Variants in METAP2 observed in about 807,000 individuals in gnomAD.
METAP2 encodes the protein methionyl aminopeptidase 2, also known as methionine aminopeptidase 2.
In METAP2, 25 loss-of-function variants were observed where a neutral mutation model predicts 59.4. That is an observed-to-expected ratio of 0.42 (90% confidence interval 0.31 to 0.59). METAP2 has a LOEUF of 0.59. Ranked by LOEUF, METAP2 falls within the 20% of genes least tolerant of loss-of-function variation. The probability of loss-of-function intolerance (pLI) is 0.16; values close to 1 mark genes in which losing one functional copy is unlikely to be tolerated. For synonymous variants in METAP2, 214 were observed against 194.1 expected (o/e 1.10, Z -0.85); for missense variants, 366 against 581.2 (o/e 0.63, Z 3.81).
In METAP2 at chr12:95,513,788, G is replaced by A; in HGVS notation, c.1321G>A (p.Val441Ile). The A allele has an allele frequency of 1.2e-6, 2 of 1,614,206 alleles. No homozygotes were observed. The highest frequency in any genetic ancestry group is 1.7e-6 in the Non-Finnish European group (2 of 1,180,038). ...GAAGAATCTGTGTGACTTGGGCATTGTAGATCCATATCCACCATTATGTGA... is the reference window on the plus strand; with the variant it reads ...GAAGAATCTGTGTGACTTGGGCATTATAGATCCATATCCACCATTATGTGA... ...ALKNLCDLGI[V>I]DPYPPLCDIK... The change falls in exon 11 of 11, where the codon GTA becomes ATA. Residue 441 changes from valine (V) to isoleucine (I), a missense_variant. By Grantham distance (29) the Val-to-Ile change is conservative. Around this residue, in one of 4 missense-constraint regions of METAP2, gnomAD observed 82 missense variants for 156.2 expected, o/e 0.52. Coordinates refer to ENST00000323666, the MANE Select transcript of METAP2 (RefSeq NM_006838.4).
intron 1 of METAP2, among the ~76,000 whole-genome samples, chr12:95,474,731 T>C (rs2076105148): frequency 1.3e-5 from 2 of 152,174 alleles, no homozygotes; most frequent in Non-Finnish European, 2.9e-5. Flanking sequence ...GCGTCTTTGC[T>C]GGTTTGCTGG....
intron 2 of METAP2, among the ~76,000 whole-genome samples, chr12:95,480,459 G>C (rs2076150537): frequency 6.6e-6 from 1 of 152,144 alleles, no homozygotes; most frequent in Non-Finnish European, 1.5e-5. Context: ...TTCCAAAGTG[G>C]CTATGCTGTT....
chr12:95,485,901 C>A lies in METAP2; in HGVS notation c.348C>A (p.Pro116=), dbSNP rs746156472. The A allele has an allele frequency of 1.0e-5, 16 of 1,574,900 alleles. No individual in the cohort carries two copies. The East Asian group carries it at 3.5e-4, about 35-fold the overall frequency. The change falls in exon 4 of 11, where the codon CCC becomes CCA. Residue 116 remains proline, a synonymous_variant. Coordinates refer to ENST00000323666, the MANE Select transcript of METAP2 (RefSeq NM_006838.4). The part of the protein sequence containing the change: ...KRGPKVQTDP[P]SVPICDLYPN... The stretch of plus-strand genomic sequence containing the variant: ...CAGCAAAAGTTCAAACAGACCCTCC[C>A]TCAGTTCCAATATGTGACCTGTATC...
chr12:95,491,995 A>T (rs968609801), intron 4 of METAP2, among the ~76,000 whole-genome samples: 1 of 152,098 alleles, frequency 6.6e-6, no homozygotes, highest in Non-Finnish European at 1.5e-5. Context: ...TTTTGTAGAG[A>T]TGGAGTCTTG....
intron 7 of METAP2, among the ~76,000 whole-genome samples, chr12:95,496,589 A>G (rs758958188): frequency 6.6e-5 from 10 of 152,088 alleles, no homozygotes; most frequent in Non-Finnish European, 1.0e-4. Flanking sequence ...TCTTAGTAAT[A>G]TACATAAGGG....
At chr12:95,497,270 C>G (rs1011685381) in intron 7 of METAP2, among the ~76,000 whole-genome samples, 3 of 152,186 alleles carry the variant, frequency 2.0e-5, no homozygotes, top group African/African-American at 7.2e-5. Context: ...TCTTCTCCCC[C>G]TACCCTGGCA....
chr12:95,511,438 C>CTGAAGTGCAG (rs1414894614), intron 8 of METAP2, among the ~76,000 whole-genome samples: 1 of 125,216 alleles, frequency 8.0e-6, no homozygotes, highest in African/African-American at 3.2e-5. Context: ...TTCGCCCAGG[C>CTGAAGTGCAG]TGAAGTGCAG....
intron 5 of METAP2, 50 bp from the exon 6 acceptor site, chr12:95,494,907 A>G (rs749950395): frequency 6.7e-7 from 1 of 1,490,232 alleles, no homozygotes; most frequent in East Asian, 2.3e-5. Flanking sequence ...ATTAATATAT[A>G]AAAGTAAGAA....
chr12:95,509,303 G>GGCTC (rs1415218825), intron 8 of METAP2, among the ~76,000 whole-genome samples: 1 of 152,190 alleles, frequency 6.6e-6, no homozygotes, highest in Non-Finnish European at 1.5e-5. Context: ...AACAAACAGA[G>GGCTC]GCTCTCTAAA....
Position 95,483,225 on chromosome 12 carries a change from C to T in METAP2, c.270C>T (p.Gly90=), listed in dbSNP as rs200687006. 64 of 1,611,466 alleles carry T rather than the reference C, an allele frequency of 4.0e-5. No individual in the cohort carries two copies. The highest frequency in any genetic ancestry group is 5.1e-5 in the Non-Finnish European group (60 of 1,178,076). ...ERDEDDEDGD[G]DGDGATGKKK... ...AATGTCTTTTCTTAGATGGAGATGG[C>T]GATGGAGATGGAGCAACTGGAAAGA... The change falls in exon 3 of 11, where the codon GGC becomes GGT. Residue 90 remains glycine (G), a synonymous_variant. Coordinates refer to ENST00000323666, the MANE Select transcript of METAP2 (RefSeq NM_006838.4).
chr12:95,476,465 T>C (rs1391111357), intron 2 of METAP2, among the ~76,000 whole-genome samples: 1 of 148,262 alleles, frequency 6.7e-6, no homozygotes, highest in Non-Finnish European at 1.5e-5. Context: ...TGAGCTGAGA[T>C]TGCACCACTG....
rs145976028 is a variant in METAP2, at chr12:95,506,099, GA to G, written c.964+1945del. ...GCGACAGAGTGAGACTTCGTCTGGG[GA>G]AAAAAATAAAAAAGAGTCTTCCTCT... On this transcript the variant is annotated intron_variant, in intron 8 of 10. Transcript: ENST00000323666. Among the ~76,000 whole-genome samples, 1,210 of 151,140 alleles carry G rather than the reference GA, an allele frequency of 8.0e-3. 10 individuals carry two copies. The highest frequency in any genetic ancestry group is 0.024 in the Middle Eastern group (7 of 292).
intron 8 of METAP2, among the ~76,000 whole-genome samples, chr12:95,511,389 G>GTTTTTTTTTTTT (rs11301070): frequency 1.6e-5 from 1 of 61,130 alleles, no homozygotes; most frequent in Non-Finnish European, 2.8e-5. Flanking sequence ...TTCTAGCACC[G>GTTTTTTTTTTTT]TTTTTTTTTT....
Position 95,474,177 on chromosome 12 carries a change from A to C in METAP2, c.-3A>C, listed in dbSNP as rs773221070. The C allele has an allele frequency of 1.8e-5, 29 of 1,613,736 alleles. No individual in the cohort carries two copies. In the South Asian group the frequency reaches 2.3e-4, roughly 13 times the overall value. On this transcript the variant is annotated 5_prime_UTR_variant, in exon 1 of 11. Coordinates refer to ENST00000323666, the MANE Select transcript of METAP2 (RefSeq NM_006838.4). The stretch of plus-strand genomic sequence containing the variant: ...CTCATTCCCTCGCGCTCTCTCGGGC[A>C]ACATGGCGGGTGTGGAGGAGGTAGC...
intron 3 of METAP2, chr12:95,483,548 A>C: frequency 3.3e-6 from 1 of 304,144 alleles, no homozygotes; most frequent in Non-Finnish European, 6.1e-6. Context: ...AAGTTGCTTA[A>C]GGTCCTGATA....
chr12:95,509,021 C>T (rs892308995), intron 8 of METAP2, among the ~76,000 whole-genome samples: 13 of 152,218 alleles, frequency 8.5e-5, no homozygotes, highest in Non-Finnish European at 1.3e-4. Flanking sequence ...ATAGCACAAA[C>T]GGGCCATCAA....
At chr12:95,506,400 G>C (rs971064647) in intron 8 of METAP2, among the ~76,000 whole-genome samples, 2 of 149,680 alleles carry the variant, frequency 1.3e-5, no homozygotes, top group Non-Finnish European at 3.0e-5. Flanking sequence ...GGGTTCAAGC[G>C]ATTCTTCTGC....
chr12:95,499,380 GTCC>G (rs1428682830), intron 7 of METAP2, among the ~76,000 whole-genome samples: 4 of 152,106 alleles, frequency 2.6e-5, no homozygotes, highest in Admixed American at 2.0e-4. Flanking sequence ...GCCTCAAGCA[GTCC>G]TCCTGCCTCA....
intron 4 of METAP2, among the ~76,000 whole-genome samples, chr12:95,488,352 A>T (rs973576197): frequency 2.0e-5 from 3 of 151,234 alleles, no homozygotes; most frequent in Non-Finnish European, 3.0e-5. Context: ...ATAAAAAAAT[A>T]AAAAAAATTA....
Sources: gnomAD v4.1 joint callset for allele counts (sites outside exome capture counted in the v4.1 genomes callset) on GRCh38, gnomAD v4.1.1 for gene constraint, gnomAD v4.1.1 regional missense constraint, MANE v1.5 for transcripts, NCBI Gene and HGNC (gene_info 2026-07-23, HGNC 2026-07-21) for gene names.